The following CACNA1S variants were observed in gnomAD, a reference collection of about 807,000 sequenced individuals.
The protein encoded by CACNA1S is voltage-dependent L-type calcium channel subunit alpha-1S.
A neutral mutation model predicts 207.4 loss-of-function variants in CACNA1S; 126 were observed. That is an observed-to-expected ratio of 0.61 (90% CI 0.53 to 0.70). CACNA1S has a LOEUF of 0.70. Ranked by LOEUF, CACNA1S falls within the 30% of genes least tolerant of loss-of-function variation. The probability of loss-of-function intolerance (pLI) is 0.00; values close to 1 mark genes in which losing one functional copy is unlikely to be tolerated. For missense variants in CACNA1S, 2,349 were observed against 2,422.8 expected, an observed-to-expected ratio of 0.97 and a Z score of 0.64; for synonymous variants, 960 against 932.7, an observed-to-expected ratio of 1.03 and a Z score of -0.53.
chr1:201,061,326 C>G lies in CACNA1S; in HGVS notation c.3196G>C (p.Val1066Leu), dbSNP rs1464848168. Reference sequence around the variant, plus strand: ...GTCTCTCCCTGCTCCTGGAAGGTGACAATGACGAAGCCCACAAAGATGTTC... The same window carrying G: ...GTCTCTCCCTGCTCCTGGAAGGTGAGAATGACGAAGCCCACAAAGATGTTC... The part of the protein sequence containing the change: ...MMNIFVGFVI[V>L]TFQEQGETEY... The change falls in exon 25 of 44, where the codon GTC (valine) becomes CTC (leucine). Residue 1066 changes from valine to leucine, a missense_variant. By Grantham distance (32) the Val-to-Leu change is conservative (BLOSUM62 1). Transcript: ENST00000362061. The G allele has an allele frequency of 1.2e-6, 2 of 1,614,070 alleles. No individual in the cohort carries two copies. Among genetic ancestry groups the G allele is most frequent in the African/African-American group, 2.7e-5 (2 of 74,914 alleles).
At chr1:201,059,329 A>G (rs1660963536) in intron 26 of CACNA1S, 30 bp from the exon 27 acceptor site, 1 of 1,499,578 alleles carries the variant, frequency 6.7e-7, no homozygotes, top group South Asian at 1.1e-5. Flanking sequence ...GCAGTGGGTC[A>G]GGGGGGCCGG....
rs1200528956 is a variant in CACNA1S at position 201,074,409 on chromosome 1, C to A, written c.2063+97G>T. ...GAGGTGGGTGTCACCATGTCAGGGA[C>A]CCTGATCATTGGGTTACAGGGAGGC... On this transcript the variant is annotated intron_variant, in intron 14 of 43. Coordinates refer to ENST00000362061, the MANE Select transcript of CACNA1S (RefSeq NM_000069.3). 4 of 772,858 alleles carry A rather than the reference C, an allele frequency of 5.2e-6. No homozygotes were observed. The Admixed American group carries it at 7.9e-5, about 15-fold the overall frequency. 47.9% of individuals were successfully genotyped at this position (772,858 alleles called of 1,614,324 possible).
At chr1:201,078,350 C>T (rs907034907) in intron 10 of CACNA1S, among the ~76,000 whole-genome samples, 11 of 152,018 alleles carry the variant, frequency 7.2e-5, no homozygotes, top group Admixed American at 6.6e-4. Flanking sequence ...CGGCATGCAC[C>T]ACCACATCCA....
At position 201,078,006 on chromosome 1, in the gene CACNA1S, G is replaced by T. The variant is rs532351874; in HGVS notation, c.1492C>A (p.Arg498Ser). 1 of 1,614,052 alleles carries T rather than the reference G, an allele frequency of 6.2e-7. No homozygotes were observed. Among genetic ancestry groups the T allele is most frequent in the Non-Finnish European group, 8.5e-7 (1 of 1,179,998 alleles). ...LRQYFMSIFN[R>S]FDCFVVCSGI... is the part of the protein sequence containing the mutation. The stretch of plus-strand genomic sequence containing the variant: ...CTACACACCACGAAGCAGTCGAAGC[G>T]GTTGAAGATAGACATGAAGTACTGG... Residue 498 changes from arginine to serine, a missense_variant, in exon 11 of 44, where the codon CGC becomes AGC. Transcript: ENST00000362061.
chr1:201,090,943 G>T (rs1662205483), intron 5 of CACNA1S, among the ~76,000 whole-genome samples: 1 of 152,164 alleles, frequency 6.6e-6, no homozygotes, highest in Non-Finnish European at 1.5e-5. Flanking sequence ...TACTATTTAT[G>T]TTCTCATGTC....
chr1:201,083,105 G>T lies in CACNA1S; in HGVS notation c.1393+57C>A, dbSNP rs554729384. ...ACCTGTGGTGCCATTGGCTGATTTT[G>T]ACATCAAGCCACAGCCACATGTGCC... On this transcript the variant is annotated intron_variant, in intron 10 of 43. Transcript: ENST00000362061. 1.6e-4 allele frequency: 257 copies of T among 1,589,646 alleles called. No individual in the cohort carries two copies. In the Admixed American group the frequency reaches 4.0e-3, roughly 24 times the overall value.
At chr1:201,040,746 C>G in intron 41 of CACNA1S, 33 bp from the exon 42 acceptor site, 1 of 1,552,048 alleles carries the variant, frequency 6.4e-7, no homozygotes, top group Non-Finnish European at 8.9e-7. Flanking sequence ...ATAAGAGGGG[C>G]TGCTGACTCC....
intron 19 of CACNA1S, among the ~76,000 whole-genome samples, chr1:201,067,749 G>T: frequency 6.6e-6 from 1 of 152,114 alleles, no homozygotes; most frequent in East Asian, 1.9e-4. Flanking sequence ...CCCAGTGAAG[G>T]CCTGTCCAAC....
At position 201,061,450 on chromosome 1, in the gene CACNA1S, T is replaced by C; in HGVS notation, c.3072A>G (p.Ile1024Met). The C allele has an allele frequency of 6.2e-7, 1 of 1,614,190 alleles. No homozygotes were observed. The highest frequency in any genetic ancestry group is 8.5e-7 in the Non-Finnish European group (1 of 1,180,010). Residue 1024 changes from isoleucine (I) to methionine (M), a missense_variant, in exon 25 of 44, where the codon ATA (isoleucine) becomes ATG (methionine). Ile to Met is a conservative substitution (Grantham distance 10). Coordinates refer to ENST00000362061, the MANE Select transcript of CACNA1S (RefSeq NM_000069.3). ...GACCCACGTCCTCCGCATTGGAGTC[T>C]ATGGCCTTGTACAGCAGCCTGGGGG... The part of the protein sequence containing the change: ...EGWPQLLYKA[I>M]DSNAEDVGPI...
chr1:201,059,137 T>G lies in CACNA1S; in HGVS notation c.3525+52A>C, dbSNP rs1572033513. 3.4e-6 allele frequency: 4 copies of G among 1,165,902 alleles called. No homozygotes were observed. In the South Asian group the frequency reaches 3.7e-5, roughly 11 times the overall value. 72.2% of individuals were successfully genotyped at this position (1,165,902 alleles called of 1,614,324 possible). On this transcript the variant is annotated intron_variant, in intron 27 of 43. Transcript: ENST00000362061. ...TGGGGGTGGATGTTCCACTGGAAGGTCCCACCCACCAGCCCCAGCTTCTCA... is the reference window on the plus strand; with the variant it reads ...TGGGGGTGGATGTTCCACTGGAAGGGCCCACCCACCAGCCCCAGCTTCTCA...
At chr1:201,091,533 G>A (rs2102163605) in intron 5 of CACNA1S, 107 bp downstream of exon 5, 1 of 1,234,156 alleles carries the variant, frequency 8.1e-7, no homozygotes, top group Non-Finnish European at 1.2e-6. Flanking sequence ...GTCAACAGAT[G>A]TGGGCGGCAA....
In CACNA1S at chr1:201,049,072, C is replaced by G. The variant is rs988764517; in HGVS notation, c.4269G>C (p.Val1423=). ...GGGGCTGAATCCTTCTCAGCAGGGT[C>G]ACCACGTCCAGGTGTTTGATTCTCC... is the stretch of plus-strand genomic sequence containing the variant. The part of the protein sequence containing the change: ...AKGRIKHLDV[V]TLLRRIQPPL... Residue 1423 remains valine (V), a synonymous_variant, in exon 35 of 44, where the codon GTG becomes GTC. Transcript: ENST00000362061. The G allele has an allele frequency of 6.2e-7, 1 of 1,613,468 alleles. No individual in the cohort carries two copies.
At chr1:201,056,531 C>A (rs1284798936) in intron 28 of CACNA1S, among the ~76,000 whole-genome samples, 1 of 152,244 alleles carries the variant, frequency 6.6e-6, no homozygotes, top group Non-Finnish European at 1.5e-5. Flanking sequence ...CTGCTGGGAT[C>A]CCTCGTGGTC....
rs182357702 is a variant in CACNA1S, at chr1:201,043,839, C to T, written c.4798-308G>A. Among the ~76,000 whole-genome samples, 208 of 152,014 alleles carry T rather than the reference C, an allele frequency of 1.4e-3. 1 individual carries two copies. The highest frequency in any genetic ancestry group is 4.9e-3 in the African/African-American group (203 of 41,424). ...GTCTGCAGCACTGGGTTCTAGTCCC[C>T]GCTCTGAAACTGATTTACTAGGTGA... On this transcript the variant is annotated intron_variant, in intron 39 of 43. Coordinates refer to ENST00000362061, the MANE Select transcript of CACNA1S (RefSeq NM_000069.3).
At chr1:201,050,093 A>G (rs886660408) in intron 34 of CACNA1S, among the ~76,000 whole-genome samples, 1 of 152,156 alleles carries the variant, frequency 6.6e-6, no homozygotes, top group African/African-American at 2.4e-5. Flanking sequence ...AGAGGACCGC[A>G]CTTTGATTTG....
At chr1:201,094,725 G>T (rs984830887) in intron 2 of CACNA1S, among the ~76,000 whole-genome samples, 2 of 152,126 alleles carry the variant, frequency 1.3e-5, no homozygotes, top group Admixed American at 1.3e-4. Context: ...TAAAGGCCGT[G>T]ACACTATTAC....
intron 2 of CACNA1S, among the ~76,000 whole-genome samples, chr1:201,103,399 G>A (rs994023661): frequency 1.3e-5 from 2 of 152,158 alleles, no homozygotes; most frequent in Admixed American, 6.5e-5. Context: ...TCCCCAGGGA[G>A]CTAGCAAAGC....
Position 201,091,983 on chromosome 1 carries a change from G to A in CACNA1S, c.530C>T (p.Ser177Leu), listed in dbSNP as rs141204958. Residue 177 changes from serine to leucine, a missense_variant, in exon 4 of 44, where the codon TCG becomes TTG. Ser to Leu is a moderately radical substitution (Grantham distance 145). Transcript: ENST00000362061. ...ACACTGCCACCCACTAGGCACCCCC[G>A]ACACCAGCCGGAGGGGTCTGAGCAC... ...FRVLRPLRLV[S>L]GVPSLQVVLN... 4.3e-4 allele frequency: 691 copies of A among 1,614,112 alleles called. 1 individual carries two copies. The highest frequency in any genetic ancestry group is 9.9e-4 in the Middle Eastern group (6 of 6,060).
At chr1:201,108,149 G>T (rs982232718) in intron 2 of CACNA1S, among the ~76,000 whole-genome samples, 3 of 148,656 alleles carry the variant, frequency 2.0e-5, no homozygotes, top group Non-Finnish European at 3.0e-5. Context: ...TGTGTCACTC[G>T]GGCTGGAGTG....
Sources: gnomAD v4.1 joint callset for allele counts (sites outside exome capture counted in the v4.1 genomes callset) on GRCh38, gnomAD v4.1.1 for gene constraint, MANE v1.5 for transcripts, NCBI Gene and HGNC (gene_info 2026-07-23, HGNC 2026-07-21) for gene names.